The following ENTREP2 variants were observed in gnomAD, a reference collection of about 807,000 sequenced individuals.
ENTREP2 encodes the protein endosomal transmembrane epsin interactor 2.
chr15:29,255,344 A>C, the ENTREP2 span, among the ~76,000 whole-genome samples: 1 of 152,184 alleles, frequency 6.6e-6, no homozygotes, highest in Non-Finnish European at 1.5e-5. Flanking sequence ...ATCTCACACC[A>C]GGCTATTACT....
the ENTREP2 span, chr15:29,196,511 C>T: frequency 1.0e-3 from 1,564 of 1,551,654 alleles, 9 homozygotes; most frequent in East Asian, 0.016. Context: ...TGCAGCCGGA[C>T]GACTGGTGCT....
the ENTREP2 span, among the ~76,000 whole-genome samples, chr15:29,415,440 A>G: frequency 6.6e-6 from 1 of 152,234 alleles, no homozygotes; most frequent in Non-Finnish European, 1.5e-5. Flanking sequence ...CCTTTGACAG[A>G]ATTCAACAAC....
At chr15:29,229,634 T>C in the ENTREP2 span, among the ~76,000 whole-genome samples, 1 of 152,200 alleles carries the variant, frequency 6.6e-6, no homozygotes, top group Non-Finnish European at 1.5e-5. Flanking sequence ...TTGCTTCACA[T>C]GGCATTACTA....
the ENTREP2 span, among the ~76,000 whole-genome samples, chr15:29,223,376 C>T: frequency 1.3e-5 from 2 of 152,122 alleles, no homozygotes; most frequent in African/African-American, 2.4e-5. Context: ...CTGTTTCTTC[C>T]TCTCTGCAAA....
At chr15:29,461,828 T>C in the ENTREP2 span, among the ~76,000 whole-genome samples, 1 of 152,128 alleles carries the variant, frequency 6.6e-6, no homozygotes, top group Non-Finnish European at 1.5e-5. Flanking sequence ...ACATTTACTG[T>C]GTTTGCAACC....
the ENTREP2 span, among the ~76,000 whole-genome samples, chr15:29,208,281 A>G: frequency 6.6e-6 from 1 of 151,832 alleles, no homozygotes; most frequent in African/African-American, 2.4e-5. Context: ...TGTCCTACCT[A>G]TAAGTAGATA....
At chr15:29,321,407 TG>T in the ENTREP2 span, among the ~76,000 whole-genome samples, 1 of 152,084 alleles carries the variant, frequency 6.6e-6, no homozygotes, top group Non-Finnish European at 1.5e-5. Flanking sequence ...CCCAGCACTT[TG>T]GGAGGCCAAG....
the ENTREP2 span, among the ~76,000 whole-genome samples, chr15:29,395,561 A>C: frequency 1.4e-5 from 2 of 145,130 alleles, no homozygotes; most frequent in East Asian, 4.0e-4. Context: ...ACAGGGTCTC[A>C]CTCTCACCTA....
the ENTREP2 span, among the ~76,000 whole-genome samples, chr15:29,661,544 G>A: frequency 6.6e-6 from 1 of 152,158 alleles, no homozygotes; most frequent in Non-Finnish European, 1.5e-5. Flanking sequence ...CCCTCACTGT[G>A]TTTTAATTCA....
chr15:29,579,205 AT>A, the ENTREP2 span, among the ~76,000 whole-genome samples: 3 of 152,176 alleles, frequency 2.0e-5, no homozygotes, highest in Non-Finnish European at 4.4e-5. Context: ...CTTCACTTTT[AT>A]TTTATTAAGA....
At chr15:29,226,738 T>A in the ENTREP2 span, among the ~76,000 whole-genome samples, 4 of 152,104 alleles carry the variant, frequency 2.6e-5, no homozygotes. Flanking sequence ...GAGATTAGAG[T>A]GCTGGTAATA....
the ENTREP2 span, chr15:29,613,476 C>G: frequency 2.4e-6 from 1 of 418,460 alleles, no homozygotes; most frequent in South Asian, 2.1e-5. Flanking sequence ...CACCCTCCTC[C>G]ACAGCAAGAT....
At chr15:29,659,532 G>T in the ENTREP2 span, among the ~76,000 whole-genome samples, 2 of 152,016 alleles carry the variant, frequency 1.3e-5, no homozygotes, top group African/African-American at 4.8e-5. Context: ...CCACTGTCTA[G>T]GTCATGAAAC....
At chr15:29,624,406 G>A in the ENTREP2 span, among the ~76,000 whole-genome samples, 10 of 152,104 alleles carry the variant, frequency 6.6e-5, no homozygotes, top group South Asian at 4.1e-4. Context: ...GCCCTTAACC[G>A]AATGTGTGAG....
the ENTREP2 span, among the ~76,000 whole-genome samples, chr15:29,132,347 G>A: frequency 4.6e-5 from 7 of 152,242 alleles, no homozygotes; most frequent in South Asian, 6.2e-4. Flanking sequence ...TCCCAGACAC[G>A]GCCGTGAATT....
At chr15:29,494,597 A>G in the ENTREP2 span, among the ~76,000 whole-genome samples, 2 of 152,192 alleles carry the variant, frequency 1.3e-5, no homozygotes, top group African/African-American at 4.8e-5. Context: ...TTATAGCCAC[A>G]TTAGGTCTCC....
the ENTREP2 span, among the ~76,000 whole-genome samples, chr15:29,356,745 T>C: frequency 6.6e-6 from 1 of 152,060 alleles, no homozygotes; most frequent in Non-Finnish European, 1.5e-5. Context: ...CCAAAACAAA[T>C]GGAGGGATAT....
the ENTREP2 span, among the ~76,000 whole-genome samples, chr15:29,228,249 G>A: frequency 1.3e-5 from 2 of 152,170 alleles, no homozygotes; most frequent in Non-Finnish European, 2.9e-5. Context: ...AACTAGAGAG[G>A]TGGAGGTTGC....
At chr15:29,207,287 C>T in the ENTREP2 span, among the ~76,000 whole-genome samples, 2,284 of 152,224 alleles carry the variant, frequency 0.015, 54 homozygotes, top group African/African-American at 0.052. Context: ...CCCGTGGCTT[C>T]CTGGTCTCAC....
Sources: allele counts gnomAD v4.1 joint callset (sites outside exome capture counted in the v4.1 genomes callset), GRCh38; gene constraint gnomAD v4.1.1; transcripts MANE v1.5; gene names NCBI Gene and HGNC (gene_info 2026-07-23, HGNC 2026-07-21).